Variants in CCSER1 observed in about 807,000 individuals in gnomAD.
CCSER1 encodes serine-rich coiled-coil domain-containing protein 1.
In CCSER1, 41 loss-of-function variants were observed where a neutral mutation model predicts 82.0. The observed-to-expected ratio is 0.50, with a 90% confidence interval of 0.39 to 0.65. The LOEUF is 0.65. Ranked by LOEUF, CCSER1 falls within the 30% of genes least tolerant of loss-of-function variation. CCSER1 has a pLI of 0.00. For synonymous variants in CCSER1, 414 were observed against 383.9 expected, an observed-to-expected ratio of 1.08 and a Z score of -0.92; for missense variants, 1,119 against 1,064.2, an observed-to-expected ratio of 1.05 and a Z score of -0.72.
chr4:91,232,828 A>G (rs985427774), intron 10 of CCSER1, among the ~76,000 whole-genome samples: 3 of 151,780 alleles, frequency 2.0e-5, no homozygotes, highest in East Asian at 1.9e-4. Context: ...GTGGAATTTT[A>G]TTTGGTGTTA....
chr4:91,071,382 G>C (rs1459331539), intron 9 of CCSER1, among the ~76,000 whole-genome samples: 1 of 152,158 alleles, frequency 6.6e-6, no homozygotes, highest in Non-Finnish European at 1.5e-5. Flanking sequence ...CATTGAGAAG[G>C]TGAGATACAA....
At chr4:90,272,497 G>A (rs1365553159) in intron 1 of CCSER1, among the ~76,000 whole-genome samples, 3 of 152,044 alleles carry the variant, frequency 2.0e-5, no homozygotes, top group Non-Finnish European at 4.4e-5. Context: ...AGAACAATTT[G>A]GATGTTCCTC....
intron 3 of CCSER1, among the ~76,000 whole-genome samples, chr4:90,360,359 T>G (rs1190549164): frequency 1.4e-5 from 2 of 139,856 alleles, no homozygotes; most frequent in Admixed American, 7.0e-5. Flanking sequence ...AAACCCCGTG[T>G]CTACTAAAAA....
At chr4:90,493,734 C>G (rs779758158) in intron 5 of CCSER1, among the ~76,000 whole-genome samples, 4 of 152,192 alleles carry the variant, frequency 2.6e-5, no homozygotes, top group Non-Finnish European at 4.4e-5. Context: ...TTGTCACCAC[C>G]GCTCCTGCCC....
At chr4:90,729,702 C>T (rs982932321) in intron 7 of CCSER1, among the ~76,000 whole-genome samples, 6 of 151,854 alleles carry the variant, frequency 4.0e-5, no homozygotes, top group Admixed American at 6.6e-5. Context: ...GGTGAAATCC[C>T]GTCTCTACTA....
chr4:91,452,662 T>C (rs1755935283), intron 10 of CCSER1, among the ~76,000 whole-genome samples: 1 of 152,046 alleles, frequency 6.6e-6, no homozygotes, highest in Admixed American at 6.6e-5. Flanking sequence ...ATGAAATTCA[T>C]ACATCTTAAA....
At chr4:91,269,369 T>G (rs1053586210) in intron 10 of CCSER1, among the ~76,000 whole-genome samples, 4 of 152,150 alleles carry the variant, frequency 2.6e-5, no homozygotes, top group Non-Finnish European at 5.9e-5. Context: ...CGCCAAGCAT[T>G]TTACAGACTA....
intron 9 of CCSER1, among the ~76,000 whole-genome samples, chr4:90,970,971 G>T (rs7690963): frequency 6.6e-6 from 1 of 151,340 alleles, no homozygotes; most frequent in Non-Finnish European, 1.5e-5. Context: ...AGAGAAAAAG[G>T]CCTCAAATAA....
At chr4:91,325,533 A>C (rs1223888925) in intron 10 of CCSER1, among the ~76,000 whole-genome samples, 1 of 152,128 alleles carries the variant, frequency 6.6e-6, no homozygotes, top group African/African-American at 2.4e-5. Flanking sequence ...GAAGAAGGAG[A>C]CCAAATCAAC....
At chr4:90,288,697 T>G (rs1437648522) in intron 1 of CCSER1, among the ~76,000 whole-genome samples, 1 of 152,012 alleles carries the variant, frequency 6.6e-6, no homozygotes, top group Non-Finnish European at 1.5e-5. Flanking sequence ...ATGGATACCT[T>G]TTAGATAACT....
rs185008609 is a variant in CCSER1, at chr4:90,457,452, G to A, written c.1604-10782G>A. Among the ~76,000 whole-genome samples the A allele has an allele frequency of 3.0e-3, 455 of 152,272 alleles. 2 individuals are homozygous for A. The highest frequency in any genetic ancestry group is 5.6e-3 in the Non-Finnish European group (381 of 68,036). On this transcript the variant is annotated intron_variant, in intron 4 of 10. Transcript: ENST00000509176. ...CTTGTTTCCAGGAAGAATGAGGTGCGTGGGCAACTGCAAGGTGAGCAAGGC... is the reference window on the plus strand; with the variant it reads ...CTTGTTTCCAGGAAGAATGAGGTGCATGGGCAACTGCAAGGTGAGCAAGGC...
At chr4:90,524,747 A>C (rs541423052) in intron 5 of CCSER1, among the ~76,000 whole-genome samples, 1 of 152,158 alleles carries the variant, frequency 6.6e-6, no homozygotes, top group Non-Finnish European at 1.5e-5. Flanking sequence ...GATTACAGAC[A>C]TGAGCCACCT....
chr4:90,763,916 G>A (rs191427543), intron 7 of CCSER1, among the ~76,000 whole-genome samples: 4 of 152,014 alleles, frequency 2.6e-5, no homozygotes, highest in East Asian at 1.9e-4. Flanking sequence ...ATAACTTTCC[G>A]GTGTCCTCTG....
chr4:91,470,838 TC>T (rs1226500324), intron 10 of CCSER1, among the ~76,000 whole-genome samples: 3 of 151,982 alleles, frequency 2.0e-5, no homozygotes, highest in Admixed American at 1.3e-4. Flanking sequence ...AATTCCCTCT[TC>T]CCCCCACAAA....
intron 3 of CCSER1, among the ~76,000 whole-genome samples, chr4:90,377,479 C>A (rs1214249868): frequency 6.6e-6 from 1 of 152,058 alleles, no homozygotes; most frequent in Non-Finnish European, 1.5e-5. Context: ...GCAGCAGAAT[C>A]CTAAATCATT....
At chr4:90,763,681 G>A (rs1750755489) in intron 7 of CCSER1, among the ~76,000 whole-genome samples, 1 of 152,122 alleles carries the variant, frequency 6.6e-6, no homozygotes, top group Non-Finnish European at 1.5e-5. Context: ...TGCTAGAGAT[G>A]TAAGCACTTT....
At chr4:90,170,574 T>G (rs962584119) in intron 1 of CCSER1, among the ~76,000 whole-genome samples, 1 of 151,862 alleles carries the variant, frequency 6.6e-6, no homozygotes, top group Non-Finnish European at 1.5e-5. Context: ...TCTATCTTCA[T>G]GAGTTCATTT....
intron 10 of CCSER1, among the ~76,000 whole-genome samples, chr4:91,181,066 C>A (rs1466333822): frequency 6.6e-6 from 1 of 152,218 alleles, no homozygotes; most frequent in Non-Finnish European, 1.5e-5. Context: ...CCCTCATTCC[C>A]ATAAACCCAC....
intron 10 of CCSER1, among the ~76,000 whole-genome samples, chr4:91,558,311 A>C (rs1762496464): frequency 6.6e-6 from 1 of 151,648 alleles, no homozygotes; most frequent in Admixed American, 6.6e-5. Context: ...GATGGAGATA[A>C]ATGTACTTCC....
Sources: gnomAD v4.1 joint callset for allele counts (sites outside exome capture counted in the v4.1 genomes callset) on GRCh38, gnomAD v4.1.1 for gene constraint, MANE v1.5 for transcripts, NCBI Gene and HGNC (gene_info 2026-07-23, HGNC 2026-07-21) for gene names.